OLFM2: variants seen among roughly 807,000 people sequenced by gnomAD.
The protein encoded by OLFM2 is olfactomedin 2.
A neutral mutation model predicts 43.9 loss-of-function variants in OLFM2; 20 were observed. The ratio of observed to expected loss-of-function variants is 0.46; its 90% confidence interval spans 0.32 to 0.66. The LOEUF is 0.66. Ranked by LOEUF, OLFM2 falls within the 30% of genes least tolerant of loss-of-function variation. The pLI is 0.04. For missense variants in OLFM2, 416 were observed against 643.6 expected, an observed-to-expected ratio of 0.65 and a Z score of 3.83; for synonymous variants, 268 against 278.6, an observed-to-expected ratio of 0.96 and a Z score of 0.38.
At chr19:9,930,988 C>T (rs1028508907) in intron 1 of OLFM2, among the ~76,000 whole-genome samples, 1 of 152,308 alleles carries the variant, frequency 6.6e-6, no homozygotes, top group South Asian at 2.1e-4. Context: ...CAACCACACA[C>T]ATTCACCCAC....
Position 9,854,107 on chromosome 19 carries a change from T to C in OLFM2, c.*79A>G, listed in dbSNP as rs1243651021. On this transcript the variant is annotated 3_prime_UTR_variant, in exon 6 of 6. Transcript: ENST00000264833. The surrounding 1 kb of genome is among the most constrained non-coding windows in gnomAD (Gnocchi z 9.5). ...CGTGACAGAGACAGAGAGATCACCCTTGAGGGACACAGGCAGAATGAAAAG... is the reference window on the plus strand; with the variant it reads ...CGTGACAGAGACAGAGAGATCACCCCTGAGGGACACAGGCAGAATGAAAAG... The C allele has an allele frequency of 7.5e-7, 1 of 1,337,904 alleles. No homozygotes were observed. Among genetic ancestry groups the C allele is most frequent in the Non-Finnish European group, 1.1e-6 (1 of 943,456 alleles). 82.9% of individuals were successfully genotyped at this position (1,337,904 alleles called of 1,614,324 possible). A position where few individuals can be genotyped will look rare whatever the true frequency, so the allele number is the denominator to read the frequency against.
chr19:9,889,035 T>C (rs1001313570), intron 1 of OLFM2, among the ~76,000 whole-genome samples: 52 of 150,152 alleles, frequency 3.5e-4, no homozygotes, highest in East Asian at 4.0e-4. Context: ...CACTGCACTC[T>C]AGCCTGGGTG....
chr19:9,877,882 T>G (rs2046505516), intron 1 of OLFM2, among the ~76,000 whole-genome samples: 1 of 152,180 alleles, frequency 6.6e-6, no homozygotes, highest in South Asian at 2.1e-4. Flanking sequence ...AGATGAGGTC[T>G]GGTTCTGTTG....
Position 9,854,135 on chromosome 19 carries a change from C to T in OLFM2, c.*51G>A, listed in dbSNP as rs1343225358. ...AGGGACACAGGCAGAATGAAAAGGG[C>T]CCCCAGCCCCCAGAGGCCCCCCAGG... On this transcript the variant is annotated 3_prime_UTR_variant, in exon 6 of 6. Coordinates refer to ENST00000264833, the MANE Select transcript of OLFM2 (RefSeq NM_058164.4). The surrounding 1 kb of genome is among the most constrained non-coding windows in gnomAD (Gnocchi z 9.5). The T allele has an allele frequency of 1.9e-6, 3 of 1,546,544 alleles. No homozygotes were observed. Among genetic ancestry groups the T allele is most frequent in the Non-Finnish European group, 2.7e-6 (3 of 1,123,482 alleles).
At chr19:9,882,110 G>C (rs544366409) in intron 1 of OLFM2, among the ~76,000 whole-genome samples, 1 of 151,630 alleles carries the variant, frequency 6.6e-6, no homozygotes, top group East Asian at 1.9e-4. Context: ...GTGGTGGCTC[G>C]CACCACTAAT....
chr19:9,921,606 G>A (rs977244424), intron 1 of OLFM2, among the ~76,000 whole-genome samples: 1 of 151,014 alleles, frequency 6.6e-6, no homozygotes, highest in Non-Finnish European at 1.5e-5. Flanking sequence ...CTCCTGCCTC[G>A]GCCTCCCAAG....
At chr19:9,914,157 CG>C (rs2046856347) in intron 1 of OLFM2, among the ~76,000 whole-genome samples, 1 of 151,978 alleles carries the variant, frequency 6.6e-6, no homozygotes, top group Non-Finnish European at 1.5e-5. Flanking sequence ...GCCTGAGCCG[CG>C]GGACCCCGCG....
At chr19:9,935,639 G>GT (rs1156332549) in intron 1 of OLFM2, among the ~76,000 whole-genome samples, 19 of 152,078 alleles carry the variant, frequency 1.2e-4, no homozygotes, top group African/African-American at 4.3e-4. Context: ...GGCCACACAC[G>GT]TATTGTACAA....
At chr19:9,921,512 G>A (rs113881788) in intron 1 of OLFM2, among the ~76,000 whole-genome samples, 13,387 of 149,502 alleles carry the variant, frequency 0.09, 1,884 homozygotes, top group African/African-American at 0.31. Context: ...TTTTTGAGAC[G>A]GAGTCTCACT....
At position 9,854,747 on chromosome 19, in the gene OLFM2, G is replaced by T; in HGVS notation, c.804C>A (p.Gly268=). The change falls in exon 6 of 6, where the codon GGC becomes GGA. Residue 268 remains glycine, a synonymous_variant. Transcript: ENST00000264833. The surrounding 1 kb of genome is among the most constrained non-coding windows in gnomAD (Gnocchi z 9.5). ...AGCCGTTGTACACCACGTGGCCCGT[G>T]CCCGCCCACGGCTGGGGCAGCAGGT... The part of the protein sequence containing the change: ...IQHLLPQPWA[G]TGHVVYNGSL... The T allele has an allele frequency of 6.2e-7, 1 of 1,613,922 alleles. No individual in the cohort carries two copies. The highest frequency in any genetic ancestry group is 8.5e-7 in the Non-Finnish European group (1 of 1,179,822).
chr19:9,854,039 T>C lies in OLFM2; in HGVS notation c.*147A>G. The C allele has an allele frequency of 1.5e-6, 1 of 664,856 alleles. No homozygotes were observed. The highest frequency in any genetic ancestry group is 2.6e-6 in the Non-Finnish European group (1 of 389,048). 41.2% of individuals were successfully genotyped at this position (664,856 alleles called of 1,614,324 possible). On this transcript the variant is annotated 3_prime_UTR_variant, in exon 6 of 6. Transcript: ENST00000264833. The surrounding 1 kb of genome is among the most constrained non-coding windows in gnomAD (Gnocchi z 9.5). Reference sequence around the variant, plus strand: ...AATTGAAAAAATAGACAGAAATACATAGGCAGAGAACAAAAGCCCAGCAAA... The same window carrying C: ...AATTGAAAAAATAGACAGAAATACACAGGCAGAGAACAAAAGCCCAGCAAA...
intron 1 of OLFM2, chr19:9,913,450 C>T: frequency 9.6e-7 from 1 of 1,040,396 alleles, no homozygotes; most frequent in Non-Finnish European, 1.2e-6. Context: ...TACCACGCCC[C>T]CCGGGAGCGC....
chr19:9,885,531 T>C (rs1355709459), intron 1 of OLFM2, among the ~76,000 whole-genome samples: 3 of 149,696 alleles, frequency 2.0e-5, no homozygotes, highest in African/African-American at 7.5e-5. Context: ...CGGCGGCTCA[T>C]TGCTAGCAGC....
intron 1 of OLFM2, among the ~76,000 whole-genome samples, chr19:9,887,737 C>T (rs2046600289): frequency 6.6e-6 from 1 of 152,132 alleles, no homozygotes; most frequent in African/African-American, 2.4e-5. Context: ...GCTCCCATCT[C>T]CCCTGAGTTA....
intron 1 of OLFM2, among the ~76,000 whole-genome samples, chr19:9,888,696 T>A (rs2046610829): frequency 6.6e-6 from 1 of 152,174 alleles, no homozygotes; most frequent in South Asian, 2.1e-4. Flanking sequence ...TTTTTACCTG[T>A]TTTTGTTCAC....
At chr19:9,862,014 C>T (rs986468888) in intron 1 of OLFM2, among the ~76,000 whole-genome samples, 1 of 110,380 alleles carries the variant, frequency 9.1e-6, no homozygotes, top group Non-Finnish European at 1.8e-5. Flanking sequence ...AGCAAGACTC[C>T]GTCTCAAAGA....
rs1474800392 is a variant in OLFM2 at position 9,860,812 on chromosome 19, T to C, written c.64-18A>G. ...AAGAGAGTCTGCAAAGAGGTGGGGG[T>C]CAGAGACCGGAATCCCAGTGAGGGT... On this transcript the variant is annotated intron_variant, in intron 1 of 5. Transcript: ENST00000264833. 3.8e-6 allele frequency: 6 copies of C among 1,593,932 alleles called. No homozygotes were observed. The South Asian group carries it at 6.7e-5, about 18-fold the overall frequency.
intron 1 of OLFM2, among the ~76,000 whole-genome samples, chr19:9,876,281 C>A (rs1386735971): frequency 6.6e-6 from 1 of 152,136 alleles, no homozygotes; most frequent in African/African-American, 2.4e-5. Context: ...TGGAAAAGGT[C>A]GCCATGGGGG....
intron 1 of OLFM2, among the ~76,000 whole-genome samples, chr19:9,908,625 C>A (rs901766687): frequency 5.3e-5 from 8 of 151,844 alleles, no homozygotes; most frequent in African/African-American, 1.9e-4. Context: ...ACTGCAGGCA[C>A]CCGCCACCGT....
Sources: allele counts gnomAD v4.1 joint callset (sites outside exome capture counted in the v4.1 genomes callset), GRCh38; gene constraint gnomAD v4.1.1; non-coding constraint Gnocchi (gnomAD v3.1); transcripts MANE v1.5; gene names NCBI Gene and HGNC (gene_info 2026-07-23, HGNC 2026-07-21).